The following PTPRB variants were observed in gnomAD, a reference collection of about 807,000 sequenced individuals.
PTPRB encodes receptor-type tyrosine-protein phosphatase beta.
Under a neutral mutation model 238.1 loss-of-function variants are expected in PTPRB, and 97 were observed. That is an observed-to-expected ratio of 0.41 (90% CI 0.35 to 0.48). The LOEUF (loss-of-function observed/expected upper bound fraction) is 0.48. Ranked by LOEUF, PTPRB falls within the 20% of genes least tolerant of loss-of-function variation. The pLI is 0.30. For synonymous variants in PTPRB, 970 were observed against 995.4 expected (o/e 0.97, Z 0.48); for missense variants, 2,292 against 2,681.9 (o/e 0.85, Z 3.21).
intron 28 of PTPRB, 56 bp from the exon 29 acceptor site, chr12:70,536,215 A>G (rs1874101827): frequency 6.4e-7 from 1 of 1,555,684 alleles, no homozygotes; most frequent in Non-Finnish European, 8.8e-7. Context: ...TCAGAACTAT[A>G]AACAAAGAGT....
At chr12:70,605,162 A>G (rs1182985044) in intron 4 of PTPRB, among the ~76,000 whole-genome samples, 1 of 152,230 alleles carries the variant, frequency 6.6e-6, no homozygotes, top group African/African-American at 2.4e-5. Context: ...TGACTTAACA[A>G]GAGGGAAAAT....
At chr12:70,633,666 C>T (rs1408729134) in intron 2 of PTPRB, among the ~76,000 whole-genome samples, 1 of 152,098 alleles carries the variant, frequency 6.6e-6, no homozygotes, top group Non-Finnish European at 1.5e-5. Flanking sequence ...CACATATTAT[C>T]AGGCATTTTT....
intron 2 of PTPRB, among the ~76,000 whole-genome samples, chr12:70,623,602 C>G (rs751219548): frequency 6.6e-6 from 1 of 152,154 alleles, no homozygotes; most frequent in Non-Finnish European, 1.5e-5. Context: ...TTTAGATCTT[C>G]CCATCAACTC....
At chr12:70,529,032 C>T (rs758949793) in intron 32 of PTPRB, among the ~76,000 whole-genome samples, 1 of 151,828 alleles carries the variant, frequency 6.6e-6, no homozygotes, top group Non-Finnish European at 1.5e-5. Flanking sequence ...ATTTGGGTAA[C>T]ATGAGCATGT....
intron 15 of PTPRB, among the ~76,000 whole-genome samples, chr12:70,564,183 C>T (rs1392148420): frequency 3.9e-5 from 6 of 152,136 alleles, no homozygotes; most frequent in Non-Finnish European, 7.3e-5. Context: ...AATGTCACTG[C>T]CTCAATGAAG....
intron 21 of PTPRB, among the ~76,000 whole-genome samples, chr12:70,546,765 G>A (rs1318884616): frequency 6.6e-6 from 1 of 152,116 alleles, no homozygotes; most frequent in Non-Finnish European, 1.5e-5. Context: ...GTTGGAAGAT[G>A]GGAGTGGGAT....
At chr12:70,559,861 G>A (rs1878253069) in intron 17 of PTPRB, among the ~76,000 whole-genome samples, 1 of 127,936 alleles carries the variant, frequency 7.8e-6, no homozygotes, top group South Asian at 2.5e-4. Context: ...TTGAGACAGA[G>A]TTTTGCTCTT....
At chr12:70,530,833 G>A (rs1042510519) in intron 32 of PTPRB, among the ~76,000 whole-genome samples, 1 of 152,070 alleles carries the variant, frequency 6.6e-6, no homozygotes, top group African/African-American at 2.4e-5. Context: ...CCCTCTCCAG[G>A]CCTCCCAAAG....
At chr12:70,601,958 G>GC (rs1375211920) in intron 4 of PTPRB, among the ~76,000 whole-genome samples, 2 of 91,568 alleles carry the variant, frequency 2.2e-5, no homozygotes, top group African/African-American at 8.2e-5. Context: ...GCCCGGCTAA[G>GC]TTTTTTTTTT....
At chr12:70,557,959 C>T (rs1488161355) in intron 18 of PTPRB, among the ~76,000 whole-genome samples, 2 of 152,188 alleles carry the variant, frequency 1.3e-5, no homozygotes, top group African/African-American at 2.4e-5. Context: ...GACAATGCGC[C>T]CTTCTGTTTT....
intron 33 of PTPRB, chr12:70,522,460 A>C (rs1189545303): frequency 6.6e-6 from 1 of 152,240 alleles, no homozygotes; most frequent in African/African-American, 2.4e-5. Flanking sequence ...TTAAACTGCT[A>C]AATGTTGGGG....
In PTPRB at chr12:70,594,705, A is replaced by C. The variant is rs775397264; in HGVS notation, c.1278T>G (p.Asp426Glu). ...AATTGGCTTTTGTGGAAATACCAAT[A>C]TCTTTCACTGGAGATGGCACTAGTG... ...NGSTVPSPVKDIGISTKANSL... is the reference protein window; with the variant it reads ...NGSTVPSPVKEIGISTKANSL... The change falls in exon 6 of 34, where the codon GAT becomes GAG. Residue 426 changes from aspartate to glutamate, a missense_variant. Physicochemically the swap from Asp to Glu is conservative, Grantham distance 45. Transcript: ENST00000334414. The C allele has an allele frequency of 6.2e-7, 1 of 1,613,984 alleles. No individual in the cohort carries two copies. Among genetic ancestry groups the C allele is most frequent in the Non-Finnish European group, 8.5e-7 (1 of 1,179,838 alleles).
At chr12:70,562,713 C>T (rs1430594426) in intron 16 of PTPRB, 131 bp downstream of exon 16, 1 of 1,194,508 alleles carries the variant, frequency 8.4e-7, no homozygotes, top group East Asian at 2.4e-5. Flanking sequence ...GGTCAAACAG[C>T]CTGAAAGTCA....
intron 4 of PTPRB, among the ~76,000 whole-genome samples, chr12:70,601,432 G>C (rs754902202): frequency 3.9e-5 from 6 of 152,142 alleles, no homozygotes; most frequent in African/African-American, 1.4e-4. Context: ...TAAAGTCTAA[G>C]TTTCTTTCTA....
At chr12:70,609,942 G>T (rs1884321044) in intron 3 of PTPRB, 2 of 761,386 alleles carry the variant, frequency 2.6e-6, no homozygotes, top group South Asian at 4.5e-5. Context: ...CTTCCCTCGG[G>T]GCTGGCGACG....
intron 2 of PTPRB, among the ~76,000 whole-genome samples, chr12:70,629,192 A>G (rs937682758): frequency 2.0e-5 from 3 of 151,984 alleles, no homozygotes; most frequent in African/African-American, 7.2e-5. Context: ...TTTTTTAAAG[A>G]ATGACTGCGT....
At position 70,569,759 on chromosome 12, in the gene PTPRB, G is replaced by A. The variant is rs776350313; in HGVS notation, c.3550C>T (p.Leu1184=). Residue 1184 remains leucine, a synonymous_variant, in exon 14 of 34, where the codon CTG becomes TTG. Coordinates refer to ENST00000334414, the MANE Select transcript of PTPRB (RefSeq NM_001109754.4). Reference sequence around the variant, plus strand: ...ATCTGGTACTGCTCCCCGGCCTCCAGTCTGTGGAACGTGTGCTCAAAGACG... The same window carrying A: ...ATCTGGTACTGCTCCCCGGCCTCCAATCTGTGGAACGTGTGCTCAAAGACG... ...KHVFEHTFHR[L]EAGEQYQIMI... is the part of the protein sequence containing the mutation. The A allele has an allele frequency of 1.1e-5, 17 of 1,613,834 alleles. No individual in the cohort carries two copies. Among genetic ancestry groups the A allele is most frequent in the Admixed American group, 8.3e-5 (5 of 60,004 alleles).
chr12:70,602,216 C>T (rs1883571443), intron 4 of PTPRB, among the ~76,000 whole-genome samples: 1 of 152,126 alleles, frequency 6.6e-6, no homozygotes, highest in South Asian at 2.1e-4. Context: ...TTTAATGTAA[C>T]ATCTGTATAC....
At chr12:70,630,932 C>T (rs1885422736) in intron 2 of PTPRB, among the ~76,000 whole-genome samples, 1 of 152,112 alleles carries the variant, frequency 6.6e-6, no homozygotes, top group African/African-American at 2.4e-5. Flanking sequence ...TAAAAGAGGA[C>T]ACAAACACAT....
Sources: gnomAD v4.1 joint callset for allele counts (sites outside exome capture counted in the v4.1 genomes callset) on GRCh38, gnomAD v4.1.1 for gene constraint, MANE v1.5 for transcripts, NCBI Gene and HGNC (gene_info 2026-07-23, HGNC 2026-07-21) for gene names.